Variants in ZNF680 observed in about 807,000 individuals in gnomAD.
ZNF680 encodes the protein zinc finger protein 680.
Under a neutral mutation model 12.1 loss-of-function variants are expected in ZNF680, and 6 were observed. The ratio of observed to expected loss-of-function variants is 0.49; its 90% confidence interval spans 0.27 to 0.98. The LOEUF (loss-of-function observed/expected upper bound fraction) is 0.98, where lower values mean the gene tolerates loss of function less well. ZNF680 is among the 50% of genes least tolerant of loss of function. The pLI is 0.12. For missense variants in ZNF680, 561 were observed against 616.3 expected (o/e 0.91, Z 0.95); for synonymous variants, 170 against 199.3 (o/e 0.85, Z 1.24).
chr7:64,505,418 G>A, the ZNF680 span, among the ~76,000 whole-genome samples: 3 of 152,156 alleles, frequency 2.0e-5, no homozygotes, highest in Non-Finnish European at 4.4e-5. Context: ...TATTTCAATT[G>A]TAAAAACTAT....
chr7:64,560,220 T>G (rs994636257), intron 1 of ZNF680, among the ~76,000 whole-genome samples: 3 of 151,880 alleles, frequency 2.0e-5, no homozygotes, highest in African/African-American at 7.3e-5. Context: ...TTCAAGCAAT[T>G]TTCCTGCTTC....
chr7:64,506,627 T>A, the ZNF680 span, among the ~76,000 whole-genome samples: 1 of 152,240 alleles, frequency 6.6e-6, no homozygotes, highest in Middle Eastern at 3.2e-3. Flanking sequence ...AATATACCAT[T>A]TTATACATTC....
chr7:64,510,051 T>C, the ZNF680 span, among the ~76,000 whole-genome samples: 3 of 147,384 alleles, frequency 2.0e-5, no homozygotes, highest in African/African-American at 7.4e-5. Context: ...AAGACTTATA[T>C]TCTCTTGCAT....
chr7:64,554,485 G>C (rs1046698616), intron 1 of ZNF680, among the ~76,000 whole-genome samples: 1 of 152,224 alleles, frequency 6.6e-6, no homozygotes, highest in Non-Finnish European at 1.5e-5. Context: ...GCCCCGTCTG[G>C]GAGGTGTACC....
At chr7:64,501,470 T>G in the ZNF680 span, 1 of 886,732 alleles carries the variant, frequency 1.1e-6, no homozygotes, top group Non-Finnish European at 1.9e-6. Context: ...CTGGAAAAAT[T>G]TAAAAGGAAC....
intron 1 of ZNF680, among the ~76,000 whole-genome samples, chr7:64,553,742 C>T (rs1021143102): frequency 1.5e-5 from 2 of 132,602 alleles, no homozygotes; most frequent in African/African-American, 5.0e-5. Context: ...CGCGCCGCCA[C>T]GCCAGACTGG....
At chr7:64,532,161 C>T (rs1238458658) in intron 3 of ZNF680, among the ~76,000 whole-genome samples, 4 of 151,812 alleles carry the variant, frequency 2.6e-5, no homozygotes, top group South Asian at 2.1e-4. Context: ...AAAAATTAGC[C>T]GGGCATGGTG....
chr7:64,540,543 T>G (rs1584380756), intron 3 of ZNF680, among the ~76,000 whole-genome samples: 4 of 152,078 alleles, frequency 2.6e-5, no homozygotes, highest in Admixed American at 2.0e-4. Flanking sequence ...GACCTTCTGA[T>G]CCACCTGCCT....
chr7:64,511,192 C>T, the ZNF680 span, among the ~76,000 whole-genome samples: 5 of 151,880 alleles, frequency 3.3e-5, no homozygotes, highest in Admixed American at 6.6e-5. Flanking sequence ...ATTGCTGAAA[C>T]GCAGGAGGCA....
downstream of ZNF680, among the ~76,000 whole-genome samples, chr7:64,518,017 C>G (rs1791388984): frequency 6.6e-6 from 1 of 152,044 alleles, no homozygotes; most frequent in African/African-American, 2.4e-5. Flanking sequence ...TCTCTGAAAA[C>G]AGGAACAACA....
At chr7:64,508,540 AAC>A in the ZNF680 span, among the ~76,000 whole-genome samples, 1 of 152,096 alleles carries the variant, frequency 6.6e-6, no homozygotes, top group Non-Finnish European at 1.5e-5. Context: ...CTAAAAATGA[AAC>A]AGACGGGAAT....
intron 1 of ZNF680, chr7:64,551,942 G>A (rs746709288): frequency 3.3e-5 from 5 of 152,022 alleles, no homozygotes; most frequent in Non-Finnish European, 5.9e-5. Context: ...TGAGCATTAC[G>A]AAAAAGGGAG....
At chr7:64,530,310 G>C (rs1399023212) in intron 3 of ZNF680, among the ~76,000 whole-genome samples, 1 of 152,082 alleles carries the variant, frequency 6.6e-6, no homozygotes, top group Non-Finnish European at 1.5e-5. Context: ...TAAATGAAAT[G>C]GTATCTCACA....
chr7:64,521,397 T>C lies in ZNF680; in HGVS notation c.1357A>G (p.Lys453Glu), dbSNP rs1283407241. ...FTLFSTLTNHKVIHTGEKSYK... is the reference protein window; with the variant it reads ...FTLFSTLTNHEVIHTGEKSYK... Reference sequence around the variant, plus strand: ...GATTTCTCTCCAGTATGAATTACTTTATGGTTAGTAAGGGTTGAAAATAAA... The same window carrying C: ...GATTTCTCTCCAGTATGAATTACTTCATGGTTAGTAAGGGTTGAAAATAAA... Residue 453 changes from lysine to glutamate, a missense_variant, in exon 4 of 4, where the codon AAA becomes GAA. Physicochemically the swap from Lys to Glu is moderately conservative, Grantham distance 56. Coordinates refer to ENST00000309683, the MANE Select transcript of ZNF680 (RefSeq NM_178558.5). The C allele has an allele frequency of 1.9e-6, 3 of 1,613,556 alleles. No homozygotes were observed. The highest frequency in any genetic ancestry group is 1.7e-6 in the Non-Finnish European group (2 of 1,179,716).
chr7:64,523,610 G>A (rs1791662498), intron 3 of ZNF680, among the ~76,000 whole-genome samples: 1 of 151,968 alleles, frequency 6.6e-6, no homozygotes, highest in South Asian at 2.1e-4. Flanking sequence ...TTCATTAAAG[G>A]GATTTATTAA....
the ZNF680 span, among the ~76,000 whole-genome samples, chr7:64,513,230 T>C: frequency 6.6e-6 from 1 of 152,070 alleles, no homozygotes; most frequent in Non-Finnish European, 1.5e-5. Flanking sequence ...TAAAAAAAAT[T>C]TACATGCAAG....
the ZNF680 span, among the ~76,000 whole-genome samples, chr7:64,508,947 G>C: frequency 6.6e-6 from 1 of 152,108 alleles, no homozygotes; most frequent in Non-Finnish European, 1.5e-5. Flanking sequence ...TGGGATTTCA[G>C]TCTAAATTTT....
rs1787263221 is a variant in ZNF680 at position 64,554,221 on chromosome 7, C to A, written c.30+8704G>T. On this transcript the variant is annotated intron_variant, in intron 1 of 3. Coordinates refer to ENST00000309683, the MANE Select transcript of ZNF680 (RefSeq NM_178558.5). Reference sequence around the variant, plus strand: ...CGCCCCGTCTGAGATGTGAAGAGCGCCTCTGCCCGGCCGCGACCCCGTCTG... The same window carrying A: ...CGCCCCGTCTGAGATGTGAAGAGCGACTCTGCCCGGCCGCGACCCCGTCTG... Among the ~76,000 whole-genome samples, 3 of 132,502 alleles carry A rather than the reference C, an allele frequency of 2.3e-5. No individual in the cohort carries two copies. The South Asian group carries it at 6.6e-4, about 29-fold the overall frequency. The allele number at this position is 132,502 out of a possible 152,430, so 86.9% of individuals were successfully genotyped here.
At chr7:64,546,918 G>A (rs1485668962) in intron 1 of ZNF680, among the ~76,000 whole-genome samples, 6 of 152,040 alleles carry the variant, frequency 3.9e-5, no homozygotes, top group African/African-American at 1.4e-4. Flanking sequence ...TCTCATGAAT[G>A]TATCCTGAAC....
Sources: gnomAD v4.1 joint callset for allele counts (sites outside exome capture counted in the v4.1 genomes callset) on GRCh38, gnomAD v4.1.1 for gene constraint, MANE v1.5 for transcripts, NCBI Gene and HGNC (gene_info 2026-07-23, HGNC 2026-07-21) for gene names.